ERBB4: variants seen among roughly 807,000 people sequenced by gnomAD.
ERBB4 encodes the protein receptor tyrosine-protein kinase erbB-4.
ERBB4 carries 42 observed loss-of-function variants against 158.0 expected under a neutral mutation model. The ratio of observed to expected loss-of-function variants is 0.27; its 90% CI spans 0.21 to 0.34. The LOEUF (loss-of-function observed/expected upper bound fraction) is 0.34, where lower values mean the gene tolerates loss of function less well. ERBB4 is among the 10% of genes least tolerant of loss of function. ERBB4 has a pLI of 1.00. For synonymous variants in ERBB4, 583 were observed against 558.7 expected, an observed-to-expected ratio of 1.04 and a Z score of -0.61; for missense variants, 1,333 against 1,624.1, an observed-to-expected ratio of 0.82 and a Z score of 3.08.
intron 2 of ERBB4, among the ~76,000 whole-genome samples, chr2:212,000,877 T>G (rs2076087194): frequency 6.6e-6 from 1 of 151,874 alleles, no homozygotes; most frequent in Admixed American, 6.6e-5. Context: ...AAAATTTACA[T>G]TTGGTCTATG....
chr2:212,387,262 G>A (rs2106427803), intron 1 of ERBB4, among the ~76,000 whole-genome samples: 1 of 152,082 alleles, frequency 6.6e-6, no homozygotes, highest in South Asian at 2.1e-4. Context: ...TTAGCCTTTT[G>A]CTGAATTTTA....
At chr2:212,232,234 T>TA (rs1314290645) in intron 1 of ERBB4, among the ~76,000 whole-genome samples, 2 of 152,194 alleles carry the variant, frequency 1.3e-5, no homozygotes, top group African/African-American at 2.4e-5. Flanking sequence ...GAAGACTACA[T>TA]AAGTGTTTCA....
intron 19 of ERBB4, among the ~76,000 whole-genome samples, chr2:211,610,178 T>C (rs2069141489): frequency 6.6e-6 from 1 of 152,172 alleles, no homozygotes; most frequent in African/African-American, 2.4e-5. Flanking sequence ...TGTCTTTTTA[T>C]TAGATTTTTA....
At chr2:212,179,160 T>C (rs538785342) in intron 1 of ERBB4, among the ~76,000 whole-genome samples, 1 of 151,648 alleles carries the variant, frequency 6.6e-6, no homozygotes, top group Admixed American at 6.6e-5. Flanking sequence ...AAGAAATAAA[T>C]CTAAAGACAA....
At chr2:212,076,502 G>A (rs2078278808) in intron 2 of ERBB4, among the ~76,000 whole-genome samples, 1 of 151,830 alleles carries the variant, frequency 6.6e-6, no homozygotes, top group Non-Finnish European at 1.5e-5. Context: ...TTTTCTTCCT[G>A]ACAACTTACT....
intron 4 of ERBB4, among the ~76,000 whole-genome samples, chr2:211,751,344 C>T (rs1381758446): frequency 2.6e-5 from 4 of 152,048 alleles, no homozygotes; most frequent in South Asian, 4.1e-4. Flanking sequence ...CCTCAACAAA[C>T]GTAGTTGTCC....
At chr2:212,514,093 TTCCAA>T (rs745318772) in intron 1 of ERBB4, among the ~76,000 whole-genome samples, 41 of 152,170 alleles carry the variant, frequency 2.7e-4, no homozygotes, top group Non-Finnish European at 4.9e-4. Flanking sequence ...TAGCATTTTG[TTCCAA>T]TTCACTTTTT....
chr2:211,602,070 C>T (rs2068817668), intron 19 of ERBB4, among the ~76,000 whole-genome samples: 1 of 151,996 alleles, frequency 6.6e-6, no homozygotes, highest in Non-Finnish European at 1.5e-5. Context: ...GAAGAGGCTT[C>T]CTGCAATTTC....
At chr2:211,977,592 C>T (rs951223066) in intron 2 of ERBB4, among the ~76,000 whole-genome samples, 1 of 141,664 alleles carries the variant, frequency 7.1e-6, no homozygotes, top group Non-Finnish European at 1.5e-5. Context: ...AATCCTAGCG[C>T]TTTGGGAGCC....
chr2:211,542,335 C>A (rs955548880), intron 20 of ERBB4, among the ~76,000 whole-genome samples: 4 of 151,944 alleles, frequency 2.6e-5, no homozygotes, highest in African/African-American at 9.7e-5. Flanking sequence ...TAGCTCTGGG[C>A]TCCCAGTTGT....
intron 1 of ERBB4, among the ~76,000 whole-genome samples, chr2:212,326,216 A>C (rs1394689694): frequency 6.6e-6 from 1 of 150,834 alleles, no homozygotes; most frequent in Non-Finnish European, 1.5e-5. Flanking sequence ...ATATCAAGAA[A>C]AAGTTTAAAT....
At chr2:211,863,224 A>T (rs528985613) in intron 3 of ERBB4, among the ~76,000 whole-genome samples, 211 of 150,214 alleles carry the variant, frequency 1.4e-3, no homozygotes, top group Middle Eastern at 3.4e-3. Flanking sequence ...GTCTAGCTAA[A>T]GGTTTGTAAA....
Position 211,408,479 on chromosome 2 carries a change from CA to C in ERBB4, c.3135+11961del, listed in dbSNP as rs543499928. On this transcript the variant is annotated intron_variant, in intron 25 of 27. Transcript: ENST00000342788. ...AACTGTTCAGAAAGGCTTCTCGTGC[CA>C]GCTGATAGTTGCTCAAGTGTAAAAT... 1.4e-4 allele frequency among the ~76,000 whole-genome samples: 22 copies of C among 152,224 alleles called. No homozygotes were observed. The South Asian group carries it at 4.4e-3, about 30-fold the overall frequency.
At chr2:212,058,626 C>G (rs2077658326) in intron 2 of ERBB4, among the ~76,000 whole-genome samples, 1 of 152,176 alleles carries the variant, frequency 6.6e-6, no homozygotes, top group African/African-American at 2.4e-5. Context: ...GAATGCAAGG[C>G]TGGTTCAACA....
chr2:212,145,757 T>C (rs1345439042), intron 1 of ERBB4, among the ~76,000 whole-genome samples: 1 of 144,676 alleles, frequency 6.9e-6, no homozygotes, highest in Non-Finnish European at 1.5e-5. Flanking sequence ...AAAAAGCCAC[T>C]GGAGTTCATT....
chr2:211,738,361 G>GTTTTGTTTTTTTTTTTTTTTTTTTTTT (rs1559473744), intron 5 of ERBB4, among the ~76,000 whole-genome samples: 1 of 135,342 alleles, frequency 7.4e-6, no homozygotes. Context: ...CTTTGTTTTT[G>GTTTTGTTTTTTTTTTTTTTTTTTTTTT]TTTTTTTTTT....
At chr2:211,673,887 CT>C (rs1242809579) in intron 13 of ERBB4, among the ~76,000 whole-genome samples, 1 of 151,856 alleles carries the variant, frequency 6.6e-6, no homozygotes, top group African/African-American at 2.4e-5. Context: ...AGTCTAAATT[CT>C]TTTTGAAGTA....
At chr2:211,553,045 T>G (rs1243357139) in intron 20 of ERBB4, among the ~76,000 whole-genome samples, 1 of 151,842 alleles carries the variant, frequency 6.6e-6, no homozygotes, top group Non-Finnish European at 1.5e-5. Context: ...CTCGGCTCAC[T>G]GCAACCTCCA....
chr2:211,810,492 G>A (rs559348792), intron 3 of ERBB4, among the ~76,000 whole-genome samples: 7 of 151,750 alleles, frequency 4.6e-5, no homozygotes, highest in Admixed American at 3.9e-4. Context: ...AGTCTGTTTT[G>A]TCAGAGACTA....
Sources: gnomAD v4.1 joint callset for allele counts (sites outside exome capture counted in the v4.1 genomes callset) on GRCh38, gnomAD v4.1.1 for gene constraint, MANE v1.5 for transcripts, NCBI Gene and HGNC (gene_info 2026-07-23, HGNC 2026-07-21) for gene names.